Variants in TJP2 observed in about 807,000 individuals in gnomAD.
TJP2 encodes tight junction protein 2.
A neutral mutation model predicts 133.1 loss-of-function variants in TJP2; 91 were observed. That is an observed-to-expected ratio of 0.68 (90% confidence interval 0.58 to 0.81). The LOEUF (loss-of-function observed/expected upper bound fraction) is 0.81. Among genes scored for constraint, TJP2 ranks in the 40% least tolerant of loss-of-function variants. The pLI, the probability that TJP2 is intolerant of heterozygous loss-of-function variation, is 0.00. For synonymous variants in TJP2, 592 were observed against 583.4 expected (o/e 1.01, Z -0.21); for missense variants, 1,541 against 1,565.6 (o/e 0.98, Z 0.26).
At chr9:69,206,015 T>TA (rs1467657381) in intron 1 of TJP2, among the ~76,000 whole-genome samples, 1 of 152,202 alleles carries the variant, frequency 6.6e-6, no homozygotes, top group African/African-American at 2.4e-5. Flanking sequence ...AAGTAACTAT[T>TA]TGCCTTAGTT....
At chr9:69,216,128 G>A (rs1249685421) in intron 2 of TJP2, among the ~76,000 whole-genome samples, 1 of 152,128 alleles carries the variant, frequency 6.6e-6, no homozygotes, top group Non-Finnish European at 1.5e-5. Context: ...GCCTCTACAG[G>A]CTGTTTCTTT....
intron 1 of TJP2, chr9:69,205,155 A>G (rs899479651): frequency 6.5e-7 from 1 of 1,537,250 alleles, no homozygotes; most frequent in Non-Finnish European, 8.7e-7. Context: ...ATGCATCTCC[A>G]GAGACCATGA....
intron 2 of TJP2, among the ~76,000 whole-genome samples, chr9:69,164,582 T>G (rs935786282): frequency 1.3e-4 from 20 of 152,352 alleles, no homozygotes; most frequent in African/African-American, 4.3e-4. Context: ...CATTGACCTT[T>G]TTAATATTTC....
chr9:69,130,896 G>C (rs1822466504), intron 1 of TJP2, among the ~76,000 whole-genome samples: 1 of 152,126 alleles, frequency 6.6e-6, no homozygotes, highest in African/African-American at 2.4e-5. Flanking sequence ...ATGGGTATTG[G>C]TGTCAGGGGA....
At chr9:69,151,879 G>T (rs1474980683) in intron 2 of TJP2, 6 of 1,082,612 alleles carry the variant, frequency 5.5e-6, no homozygotes, top group African/African-American at 3.3e-5. Flanking sequence ...TACCATTTTT[G>T]ATGTTGCTGA....
intron 1 of TJP2, among the ~76,000 whole-genome samples, chr9:69,206,732 C>T (rs1354394604): frequency 3.3e-5 from 5 of 152,238 alleles, no homozygotes; most frequent in African/African-American, 4.8e-5. Flanking sequence ...TGCCTGCCAC[C>T]ACACCTGGCT....
At chr9:69,122,450 C>T (rs1217596684) in intron 1 of TJP2, among the ~76,000 whole-genome samples, 1 of 152,194 alleles carries the variant, frequency 6.6e-6, no homozygotes. Flanking sequence ...CCGCCTAACG[C>T]GGCAGAGACT....
Position 69,213,377 on chromosome 9 carries a change from T to A in TJP2, c.114+776T>A, listed in dbSNP as rs2133217570. On this transcript the variant is annotated intron_variant, in intron 2 of 22. Coordinates refer to ENST00000377245, the MANE Select transcript of TJP2 (RefSeq NM_004817.4). ...TGCCCAGACGGTTCCGCATTTTTAT[T>A]CCGTCAAGCTGCCTTCCGGTCATCA... Among the ~76,000 whole-genome samples, 2 of 152,238 alleles carry A rather than the reference T, an allele frequency of 1.3e-5. 1 individual carries two copies. Among genetic ancestry groups the A allele is most frequent in the South Asian group, 4.1e-4 (2 of 4,826 alleles).
intron 1 of TJP2, chr9:69,145,637 G>A: frequency 1.0e-6 from 1 of 969,754 alleles, no homozygotes; most frequent in Non-Finnish European, 1.3e-6. Context: ...TTCCATTAAA[G>A]ATTAGTTCAG....
chr9:69,228,162 G>T, intron 9 of TJP2, 48 bp downstream of exon 9: 1 of 1,564,734 alleles, frequency 6.4e-7, no homozygotes, highest in Non-Finnish European at 8.7e-7. Flanking sequence ...TCAGAAGTGT[G>T]TGCTCACACA....
chr9:69,251,339 A>G lies in TJP2; in HGVS notation c.3296A>G (p.Glu1099Gly). The G allele has an allele frequency of 6.2e-7, 1 of 1,614,048 alleles. No individual in the cohort carries two copies. The change falls in exon 21 of 23, where the codon GAG becomes GGG. Residue 1099 changes from glutamate (E) to glycine (G), a missense_variant. Physicochemically the swap from Glu to Gly is moderately conservative, Grantham distance 98. Transcript: ENST00000377245. Reference sequence around the variant, plus strand: ...AAGGCCAGGTTACAGAGAATGCAGGAGCTCCAGGAAGCACAGAATGCAAGG... The same window carrying G: ...AAGGCCAGGTTACAGAGAATGCAGGGGCTCCAGGAAGCACAGAATGCAAGG... Reference protein sequence around the residue: ...DHKARLQRMQELQEAQNARIE... With the variant: ...DHKARLQRMQGLQEAQNARIE...
chr9:69,235,424 C>T (rs1435951463), intron 12 of TJP2, among the ~76,000 whole-genome samples: 1 of 151,866 alleles, frequency 6.6e-6, no homozygotes, highest in East Asian at 1.9e-4. Flanking sequence ...CCAGGTTCAC[C>T]CCATTCTCCT....
intron 17 of TJP2, among the ~76,000 whole-genome samples, chr9:69,243,376 A>G (rs953924794): frequency 3.3e-5 from 5 of 152,226 alleles, no homozygotes; most frequent in East Asian, 1.9e-4. Context: ...CAATATGAAA[A>G]TAGTTCTCCT....
At chr9:69,218,735 A>T (rs1414920954) in intron 4 of TJP2, among the ~76,000 whole-genome samples, 1 of 152,254 alleles carries the variant, frequency 6.6e-6, no homozygotes, top group East Asian at 1.9e-4. Flanking sequence ...TCATAGACTA[A>T]GAGTTTCATT....
chr9:69,167,880 A>AAAAG lies in TJP2; in HGVS notation c.-10+16111_-10+16112insAGAA, dbSNP rs1824445803. On this transcript the variant is annotated intron_variant, in intron 2 of 5. Coordinates refer to the TJP2 transcript ENST00000423935. ...GAGAGTCTGTCAAAAAAAAAAAAAA[A>AAAAG]AAGAAGAAGAAGAAGAATGTCTGCG... 2.0e-5 allele frequency among the ~76,000 whole-genome samples: 3 copies of AAAAG among 150,180 alleles called. No homozygotes were observed. The South Asian group carries it at 6.3e-4, about 31-fold the overall frequency.
At chr9:69,205,380 T>A in intron 1 of TJP2, 1 of 1,460,548 alleles carries the variant, frequency 6.8e-7, no homozygotes, top group African/African-American at 1.4e-5. Context: ...TGTGAGATTG[T>A]AGGTTGTAGT....
chr9:69,167,526 A>T (rs892662755), intron 2 of TJP2, among the ~76,000 whole-genome samples: 1 of 152,194 alleles, frequency 6.6e-6, no homozygotes, highest in African/African-American at 2.4e-5. Context: ...AACAATGTAA[A>T]TAGCCTTACA....
rs1390521757 is a variant in TJP2, at chr9:69,225,294, T to C, written c.953-10T>C. 1 of 1,583,624 alleles carries C rather than the reference T, an allele frequency of 6.3e-7. No individual in the cohort carries two copies. On this transcript the variant is annotated splice_polypyrimidine_tract_variant and intron_variant, in intron 5 of 22. Coordinates refer to ENST00000377245, the MANE Select transcript of TJP2 (RefSeq NM_004817.4). ...TAACATACGTGTATGTTTATGTGTT[T>C]GTCTCCTAGAGTATGGTCTCCGGCT...
chr9:69,228,557 C>T (rs989108451), intron 9 of TJP2, among the ~76,000 whole-genome samples: 1 of 152,006 alleles, frequency 6.6e-6, no homozygotes, highest in Non-Finnish European at 1.5e-5. Context: ...GATATGTATA[C>T]ATATATGTAT....
Sources: gnomAD v4.1 joint callset for allele counts (sites outside exome capture counted in the v4.1 genomes callset) on GRCh38, gnomAD v4.1.1 for gene constraint, MANE v1.5 for transcripts, NCBI Gene and HGNC (gene_info 2026-07-23, HGNC 2026-07-21) for gene names.